STAG2: variants seen among roughly 807,000 people sequenced by gnomAD.
The protein encoded by STAG2 is cohesin subunit SA-2.
A neutral mutation model predicts 108.1 loss-of-function variants in STAG2; 14 were observed. The observed-to-expected ratio is 0.13, with a 90% CI of 0.09 to 0.20. The LOEUF is 0.20. Ranked by LOEUF, STAG2 falls within the 10% of genes least tolerant of loss-of-function variation. The pLI, the probability that STAG2 is intolerant of heterozygous loss-of-function variation, is 1.00. For missense variants in STAG2, 440 were observed against 940.9 expected (o/e 0.47, Z 6.96); for synonymous variants, 307 against 302.7 (o/e 1.01, Z -0.15).
intron 1 of STAG2, among the ~76,000 whole-genome samples, chrX:123,985,521 C>T (rs2055127301): frequency 9.0e-6 from 1 of 111,652 alleles, no homozygotes. Context: ...CACTTTCACT[C>T]TGTCTTCATC....
At chrX:123,998,588 A>G (rs1469165635) in intron 1 of STAG2, among the ~76,000 whole-genome samples, 3 of 10,886 alleles carry the variant, frequency 2.8e-4, no homozygotes, top group African/African-American at 1.3e-3. Flanking sequence ...CTGTCTATCC[A>G]TCTATCTATC....
At chrX:123,961,559 G>C (rs756353707), upstream of STAG2, 5 of 109,769 alleles carry the variant, frequency 4.6e-5, no homozygotes, top group Non-Finnish European at 7.6e-5. Flanking sequence ...GGGAACCTAG[G>C]GGGGAGGGGA....
chrX:124,006,728 C>T (rs946846099), intron 1 of STAG2, among the ~76,000 whole-genome samples: 2 of 111,298 alleles, frequency 1.8e-5, no homozygotes, highest in South Asian at 3.7e-4. Flanking sequence ...CGTGAGCCAC[C>T]GTGCCCGGGC....
chrX:123,964,960 C>CTTTT (rs33913146), intron 1 of STAG2, among the ~76,000 whole-genome samples: 2 of 80,126 alleles, frequency 2.5e-5, no homozygotes, highest in African/African-American at 9.7e-5. Context: ...AGGTAAGTGC[C>CTTTT]TTTTTTTTTT....
chrX:124,029,003 A>ATTTATT (rs1569507171), intron 4 of STAG2, among the ~76,000 whole-genome samples: 7 of 97,203 alleles, frequency 7.2e-5, no homozygotes, highest in African/African-American at 2.3e-4. Context: ...ATATATATAT[A>ATTTATT]TATATATATA....
rs756185760 is a variant in STAG2 at position 124,066,238 on chromosome X, C to T, written c.2160C>T (p.Ile720=). The T allele has an allele frequency of 5.9e-6, 7 of 1,182,283 alleles. No individual in the cohort carries two copies. The highest frequency in any genetic ancestry group is 3.6e-5 in the South Asian group (2 of 55,792). Reference sequence around the variant, plus strand: ...ATTACAAACTCTTGAAAACTGGAATCGAAAATGGAGACATGCCTGAGCAGG... The same window carrying T: ...ATTACAAACTCTTGAAAACTGGAATTGAAAATGGAGACATGCCTGAGCAGG... ...ACNYKLLKTG[I]ENGDMPEQIV... is the part of the protein sequence containing the mutation. Residue 720 remains isoleucine (I), a synonymous_variant, in exon 22 of 35, where the codon ATC becomes ATT. Coordinates refer to ENST00000371145, the MANE Select transcript of STAG2 (RefSeq NM_001042750.2).
upstream of STAG2, chrX:123,961,003 T>C (rs2053822812): frequency 8.9e-6 from 1 of 112,016 alleles, no homozygotes; most frequent in African/African-American, 3.3e-5. Context: ...TTGGGCACTC[T>C]GTTGCCATTG....
At chrX:124,015,669 G>C (rs148018529) in intron 1 of STAG2, among the ~76,000 whole-genome samples, 1 of 111,763 alleles carries the variant, frequency 8.9e-6, no homozygotes, top group Admixed American at 9.5e-5. Context: ...CACCACACCC[G>C]GCCGAATTCT....
At chrX:124,028,154 G>T (rs781245379) in intron 4 of STAG2, among the ~76,000 whole-genome samples, 36 of 111,439 alleles carry the variant, frequency 3.2e-4, no homozygotes, top group Non-Finnish European at 6.2e-4. Context: ...CTTTCATTGT[G>T]CAATCAGGAA....
Position 124,100,901 on chromosome X carries a change from AAAT to A in STAG2, c.*307_*309del, listed in dbSNP as rs2059497518. On this transcript the variant is annotated 3_prime_UTR_variant, in exon 35 of 35. Transcript: ENST00000371145. ...TTTTTTTTAAAAAAAAAAAAAAACA[AAAT>A]AACAATCTGAAGAGGCATTTGGTAC... 2 of 215,473 alleles carry A rather than the reference AAAT, an allele frequency of 9.3e-6. No homozygotes were observed. Among genetic ancestry groups the A allele is most frequent in the African/African-American group, 2.9e-5 (1 of 34,680 alleles). 17.8% of individuals were successfully genotyped at this position (215,473 alleles called of 1,213,427 possible).
intron 1 of STAG2, among the ~76,000 whole-genome samples, chrX:123,995,526 C>T (rs762019113): frequency 9.0e-6 from 1 of 110,535 alleles, no homozygotes; most frequent in South Asian, 3.9e-4. Context: ...AACCCCGCCT[C>T]TACTAAAAAT....
At chrX:124,087,587 T>A (rs1603176053) in intron 30 of STAG2, among the ~76,000 whole-genome samples, 1 of 111,766 alleles carries the variant, frequency 8.9e-6, no homozygotes, top group South Asian at 3.8e-4. Context: ...GACTTCTCCA[T>A]GTCAGCATAA....
intron 1 of STAG2, among the ~76,000 whole-genome samples, chrX:124,000,078 G>A (rs1374216844): frequency 9.1e-6 from 1 of 110,360 alleles, no homozygotes; most frequent in Non-Finnish European, 1.9e-5. Flanking sequence ...ATAAACTACA[G>A]TCATGTGCTG....
chrX:124,091,374 C>G (rs986135668), intron 32 of STAG2, among the ~76,000 whole-genome samples: 5 of 111,508 alleles, frequency 4.5e-5, no homozygotes, highest in Middle Eastern at 4.7e-3. Context: ...TCCCTTCACC[C>G]CCCGCTCCAT....
chrX:124,063,305 A>G, intron 19 of STAG2, 100 bp downstream of exon 19: 1 of 671,084 alleles, frequency 1.5e-6, no homozygotes, highest in Non-Finnish European at 2.2e-6. Flanking sequence ...TTTGGAACGT[A>G]TTTTAAGAAA....
intron 1 of STAG2, among the ~76,000 whole-genome samples, chrX:123,963,609 T>C (rs2053968296): frequency 9.8e-6 from 1 of 101,830 alleles, no homozygotes; most frequent in African/African-American, 3.7e-5. Context: ...TTATGTTAAA[T>C]AGTCGATTTT....
intron 1 of STAG2, among the ~76,000 whole-genome samples, chrX:124,007,170 TCCTCCCTCTC>T (rs2056335240): frequency 1.0e-5 from 1 of 99,024 alleles, no homozygotes; most frequent in African/African-American, 3.7e-5. Context: ...TTCCCCGCTT[TCCTCCCTCTC>T]CCTCCCTCTC....
intron 6 of STAG2, among the ~76,000 whole-genome samples, chrX:124,040,172 T>G (rs759764928): frequency 1.8e-5 from 2 of 111,700 alleles, no homozygotes; most frequent in Non-Finnish European, 3.8e-5. Context: ...TAACATTTCC[T>G]GCAGACCCAA....
chrX:123,980,713 A>C (rs762458236), intron 1 of STAG2, among the ~76,000 whole-genome samples: 1 of 111,593 alleles, frequency 9.0e-6, no homozygotes, highest in East Asian at 2.8e-4. Flanking sequence ...CTACAAAGTC[A>C]AATAGAATTG....
Sources: gnomAD v4.1 joint callset for allele counts (sites outside exome capture counted in the v4.1 genomes callset) on GRCh38, gnomAD v4.1.1 for gene constraint, MANE v1.5 for transcripts, NCBI Gene and HGNC (gene_info 2026-07-23, HGNC 2026-07-21) for gene names.